The following MAB21L4 variants were observed in gnomAD, a reference collection of about 807,000 sequenced individuals.
MAB21L4 encodes the protein mab-21 like 4, also known as protein mab-21-like 4.
A neutral mutation model predicts 32.4 loss-of-function variants in MAB21L4; 25 were observed. That is an observed-to-expected ratio of 0.77 (90% CI 0.56 to 1.08). MAB21L4 has a LOEUF of 1.08. Among genes scored for constraint, MAB21L4 ranks in the 50% least tolerant of loss-of-function variants. The pLI is 0.00. For synonymous variants in MAB21L4, 280 were observed against 276.8 expected (o/e 1.01, Z -0.11); for missense variants, 638 against 611.0 (o/e 1.04, Z -0.47).
At chr2:240,890,893 A>G (rs940759096) in intron 2 of MAB21L4, among the ~76,000 whole-genome samples, 4 of 152,248 alleles carry the variant, frequency 2.6e-5, no homozygotes, top group Non-Finnish European at 4.4e-5. Flanking sequence ...AATGCAGGGC[A>G]GGTGACTGGC....
In MAB21L4 at chr2:240,888,651, G is replaced by A. The variant is rs1181728768; in HGVS notation, c.895-3C>T. On this transcript the variant is annotated splice_polypyrimidine_tract_variant and splice_region_variant and intron_variant, in intron 3 of 4. Coordinates refer to ENST00000388934, the MANE Select transcript of MAB21L4 (RefSeq NM_001085437.3). ...ACAGAGGCCCACAGCAGCACCATCT[G>A]CAGGACAGCAGGGTCAGCCCTGGCC... 1.9e-6 allele frequency: 3 copies of A among 1,539,218 alleles called. No individual in the cohort carries two copies. Among genetic ancestry groups the A allele is most frequent in the Admixed American group, 3.8e-5 (2 of 53,066 alleles).
At chr2:240,889,258 G>C (rs1448923542) in intron 3 of MAB21L4, among the ~76,000 whole-genome samples, 2 of 152,208 alleles carry the variant, frequency 1.3e-5, no homozygotes, top group African/African-American at 4.8e-5. Flanking sequence ...AACCTCAAGG[G>C]GGGCTGGAAG....
rs201209605 is a variant in MAB21L4, at chr2:240,891,735, C to T, written c.543G>A (p.Glu181=). 206 of 1,609,508 alleles carry T rather than the reference C, an allele frequency of 1.3e-4. No homozygotes were observed. The African/African-American group carries it at 2.1e-3, about 17-fold the overall frequency. ...PGSLNAASLR[E]EQLHLSLLVS... Reference sequence around the variant, plus strand: ...CCAGCAAGGACAGGTGGAGCTGCTCCTCCCTCAGGCTGGCCGCGTTCAGCG... The same window carrying T: ...CCAGCAAGGACAGGTGGAGCTGCTCTTCCCTCAGGCTGGCCGCGTTCAGCG... Residue 181 remains glutamate (E), a synonymous_variant, in exon 2 of 5, where the codon GAG becomes GAA. Transcript: ENST00000388934.
chr2:240,889,868 C>T, intron 3 of MAB21L4, 137 bp downstream of exon 3: 1 of 1,039,804 alleles, frequency 9.6e-7, no homozygotes, highest in Non-Finnish European at 1.4e-6. Flanking sequence ...CCTGGGCAGG[C>T]CCTCAGAATC....
At chr2:240,888,729 C>T (rs2059119487) in intron 3 of MAB21L4, 81 bp from the exon 4 acceptor site, 8 of 997,178 alleles carry the variant, frequency 8.0e-6, no homozygotes, top group African/African-American at 3.5e-5. Context: ...CCACCCTCAC[C>T]CTGGCTGCCC....
Position 240,892,597 on chromosome 2 carries a change from G to T in MAB21L4, c.515-834C>A, listed in dbSNP as rs576056812. Among the ~76,000 whole-genome samples, 13 of 151,988 alleles carry T rather than the reference G, an allele frequency of 8.6e-5. No homozygotes were observed. In the East Asian group the frequency reaches 2.6e-3, roughly 30 times the overall value. ...GTTTCTGGGCTGCCCAGGCCAGCAGGCTCACAGTGACGGAGCTCAGCCACC... is the reference window on the plus strand; with the variant it reads ...GTTTCTGGGCTGCCCAGGCCAGCAGTCTCACAGTGACGGAGCTCAGCCACC... On this transcript the variant is annotated intron_variant, in intron 1 of 4. Coordinates refer to ENST00000388934, the MANE Select transcript of MAB21L4 (RefSeq NM_001085437.3).
At chr2:240,895,455 T>C in intron 1 of MAB21L4, 29 bp downstream of exon 1, 1 of 1,492,808 alleles carries the variant, frequency 6.7e-7, no homozygotes, top group Non-Finnish European at 9.0e-7. Context: ...TACACGCAGA[T>C]ACGCGTGCAG....
Position 240,886,347 on chromosome 2 carries a change from A to C in MAB21L4, c.*723T>G, listed in dbSNP as rs1246804148. Reference sequence around the variant, plus strand: ...ACACTGGGGATTACAAGTCTACCTGAGACTTGGGTGGGGACACAGATCCAA... The same window carrying C: ...ACACTGGGGATTACAAGTCTACCTGCGACTTGGGTGGGGACACAGATCCAA... On this transcript the variant is annotated 3_prime_UTR_variant, in exon 5 of 5. Transcript: ENST00000388934. 6.6e-6 allele frequency: 1 copy of C among 152,300 alleles called. No homozygotes were observed. Among genetic ancestry groups the C allele is most frequent in the East Asian group, 1.9e-4 (1 of 5,180 alleles). 9.4% of individuals were successfully genotyped at this position (152,300 alleles called of 1,614,324 possible). A position where few individuals can be genotyped will look rare whatever the true frequency, so the allele number is the denominator to read the frequency against.
intron 3 of MAB21L4, 66 bp from the exon 4 acceptor site, chr2:240,888,714 C>A (rs1194252502): frequency 4.2e-6 from 5 of 1,188,114 alleles, no homozygotes; most frequent in South Asian, 1.7e-5. Flanking sequence ...TCCCACCCTG[C>A]GCTCCCACCC....
upstream of MAB21L4, chr2:240,896,253 C>T (rs916158495): frequency 1.9e-5 from 20 of 1,032,064 alleles, no homozygotes; most frequent in South Asian, 2.4e-4. Flanking sequence ...GCAGGGCAGG[C>T]GGGGGCTGGG....
chr2:240,894,592 G>T (rs1323634617), intron 1 of MAB21L4, among the ~76,000 whole-genome samples: 1 of 152,208 alleles, frequency 6.6e-6, no homozygotes, highest in Non-Finnish European at 1.5e-5. Context: ...ATCATCTGAA[G>T]TCAGAAGTTC....
intron 3 of MAB21L4, among the ~76,000 whole-genome samples, chr2:240,889,727 C>G (rs1173672452): frequency 6.6e-6 from 1 of 152,204 alleles, no homozygotes; most frequent in East Asian, 1.9e-4. Context: ...AGATTCTACC[C>G]AACAGTGTCC....
intron 2 of MAB21L4, 78 bp from the exon 3 acceptor site, chr2:240,890,236 G>A: frequency 6.6e-7 from 1 of 1,513,288 alleles, no homozygotes; most frequent in South Asian, 1.3e-5. Flanking sequence ...AGCCCCGGAG[G>A]TTCGGGCCCT....
Position 240,891,536 on chromosome 2 carries a change from A to G in MAB21L4, c.740+2T>C. 4 of 1,603,980 alleles carry G rather than the reference A, an allele frequency of 2.5e-6. No homozygotes were observed. The South Asian group carries it at 3.3e-5, about 13-fold the overall frequency. ...ACCTTGTGACCAGGAGGGTGCGCCT[A>G]CCTCCAGAGCTGGGCGCTGGCCGGC... On this transcript the variant is annotated splice_donor_variant, in intron 2 of 4. Transcript: ENST00000388934. LOFTEE classifies it high-confidence loss of function.
chr2:240,887,248 C>T, intron 4 of MAB21L4, 86 bp from the exon 5 acceptor site: 1 of 1,141,222 alleles, frequency 8.8e-7, no homozygotes, highest in Non-Finnish European at 1.3e-6. Context: ...CAGCGTGGAA[C>T]AACTGGCCCT....
chr2:240,896,343 C>T (rs2059187449), upstream of MAB21L4, among the ~76,000 whole-genome samples: 1 of 152,214 alleles, frequency 6.6e-6, no homozygotes, highest in South Asian at 2.1e-4. Flanking sequence ...CCCAGCCAGG[C>T]TTGGGGTCCC....
Position 240,896,081 on chromosome 2 carries a change from C to T in MAB21L4, c.-84G>A. 1.4e-6 allele frequency: 2 copies of T among 1,381,306 alleles called. No homozygotes were observed. The highest frequency in any genetic ancestry group is 2.7e-5 in the East Asian group (1 of 36,978). 85.6% of individuals were successfully genotyped at this position (1,381,306 alleles called of 1,614,324 possible). Reference sequence around the variant, plus strand: ...TGTGCAGATGGGCTGTGAGGAGGCACCTGCCCAGGTGAGCAGCAGGTCTGC... The same window carrying T: ...TGTGCAGATGGGCTGTGAGGAGGCATCTGCCCAGGTGAGCAGCAGGTCTGC... On this transcript the variant is annotated 5_prime_UTR_variant, in exon 1 of 5. The change creates a new upstream start codon in the 5' untranslated region. Transcript: ENST00000388934.
intron 4 of MAB21L4, 60 bp downstream of exon 4, chr2:240,888,232 G>C: frequency 7.4e-7 from 1 of 1,343,890 alleles, no homozygotes; most frequent in Non-Finnish European, 1.0e-6. Flanking sequence ...CCAGGCCAGG[G>C]CTCCATTCCA....
rs762737909 is a variant in MAB21L4, at chr2:240,891,548, G to T, written c.730C>A (p.Gln244Lys). The change falls in exon 2 of 5, where the codon CAG (glutamine) becomes AAG (lysine). Residue 244 changes from glutamine (Q) to lysine (K), a missense_variant. Gln to Lys is a moderately conservative substitution (Grantham distance 53, BLOSUM62 1). Transcript: ENST00000388934. Reference sequence around the variant, plus strand: ...GGAGGGTGCGCCTACCTCCAGAGCTGGGCGCTGGCCGGCACCAGGTCCACC... The same window carrying T: ...GGAGGGTGCGCCTACCTCCAGAGCTTGGCGCTGGCCGGCACCAGGTCCACC... ...QGVDLVPASA[Q>K]LWRTSTDYLL... The T allele has an allele frequency of 6.2e-7, 1 of 1,609,700 alleles. No individual in the cohort carries two copies. Among genetic ancestry groups the T allele is most frequent in the Non-Finnish European group, 8.5e-7 (1 of 1,179,044 alleles).
Sources: gnomAD v4.1 joint callset for allele counts (sites outside exome capture counted in the v4.1 genomes callset) on GRCh38, gnomAD v4.1.1 for gene constraint, MANE v1.5 for transcripts, NCBI Gene and HGNC (gene_info 2026-07-23, HGNC 2026-07-21) for gene names.